Variants in DPP6 observed in about 807,000 individuals in gnomAD.
DPP6 encodes the protein A-type potassium channel modulatory protein DPP6.
In DPP6, 69 loss-of-function variants were observed where a neutral mutation model predicts 122.6. That is an observed-to-expected ratio of 0.56 (90% CI 0.46 to 0.69). The LOEUF (loss-of-function observed/expected upper bound fraction) is 0.69. DPP6 is among the 30% of genes least tolerant of loss of function. The pLI is 0.00. For synonymous variants in DPP6, 418 were observed against 433.1 expected, an observed-to-expected ratio of 0.97 and a Z score of 0.43; for missense variants, 928 against 1,116.9, an observed-to-expected ratio of 0.83 and a Z score of 2.41.
rs1011990615 is a variant in DPP6 at position 154,863,808 on chromosome 7, C to CA, written c.1715-4181dup. The stretch of plus-strand genomic sequence containing the variant: ...CCAACCTGGCTGCAAGACCCTGTCT[C>CA]AAAAAACAAAAATGGAGCTCAGAGA... On this transcript the variant is annotated intron_variant, in intron 17 of 25. Transcript: ENST00000377770. The surrounding 1 kb of genome is among the most constrained non-coding windows in gnomAD (Gnocchi z 4.1). 1.3e-5 allele frequency among the ~76,000 whole-genome samples: 2 copies of CA among 151,726 alleles called. No homozygotes were observed. The highest frequency in any genetic ancestry group is 4.2e-4 in the South Asian group (2 of 4,808).
chr7:154,356,397 G>T (rs541877376), intron 1 of DPP6, among the ~76,000 whole-genome samples: 2 of 152,098 alleles, frequency 1.3e-5, no homozygotes, highest in Non-Finnish European at 2.9e-5. Flanking sequence ...TGTCCTAGCT[G>T]GGTTACCTTA....
intron 4 of DPP6, among the ~76,000 whole-genome samples, chr7:154,560,697 A>G (rs1361564582): frequency 2.0e-5 from 3 of 152,146 alleles, no homozygotes; most frequent in Admixed American, 6.5e-5. Flanking sequence ...AACCTGGCCA[A>G]CATTGTGAAA....
intron 1 of DPP6, among the ~76,000 whole-genome samples, chr7:154,129,899 CAA>C (rs753343107): frequency 8.3e-5 from 9 of 108,290 alleles, no homozygotes; most frequent in Admixed American, 9.9e-5. Context: ...GACTCTGTCT[CAA>C]AAAAAAAAAA....
intron 1 of DPP6, among the ~76,000 whole-genome samples, chr7:154,155,234 G>A (rs1796620928): frequency 6.6e-6 from 1 of 152,208 alleles, no homozygotes; most frequent in Non-Finnish European, 1.5e-5. Context: ...CATGTCCTGG[G>A]CATTGGGTAA....
intron 7 of DPP6, among the ~76,000 whole-genome samples, chr7:154,687,094 A>AC (rs72575640): frequency 0.039 from 7 of 180 alleles, no homozygotes; most frequent in African/African-American, 0.17. Context: ...TTACATCAAC[A>AC]TAGTATAGAT....
At chr7:154,030,227 C>T (rs187576880) in intron 1 of DPP6, among the ~76,000 whole-genome samples, 2 of 152,296 alleles carry the variant, frequency 1.3e-5, no homozygotes, top group African/African-American at 2.4e-5. Flanking sequence ...ATTTTGGCCC[C>T]TGGCTATTTC....
In DPP6 at chr7:154,637,988, C is replaced by T. The variant is rs989919156; in HGVS notation, c.680+115C>T. The T allele has an allele frequency of 6.0e-6, 7 of 1,171,044 alleles. No individual in the cohort carries two copies. In the Admixed American group the frequency reaches 1.7e-4, roughly 29 times the overall value. The allele number at this position is 1,171,044 out of a possible 1,614,324, so 72.5% of individuals were successfully genotyped here. A position where few individuals can be genotyped will look rare whatever the true frequency, so the allele number is the denominator to read the frequency against. The stretch of plus-strand genomic sequence containing the variant: ...GGAAATGGCGTTCCAGTTCTCACAG[C>T]CAAGGGTGCTGGTATCGTGGCACCT... On this transcript the variant is annotated intron_variant, in intron 6 of 25. Coordinates refer to ENST00000377770, the MANE Select transcript of DPP6 (RefSeq NM_130797.4).
At chr7:154,706,155 C>T (rs562012682) in intron 7 of DPP6, among the ~76,000 whole-genome samples, 28 of 152,326 alleles carry the variant, frequency 1.8e-4, no homozygotes, top group South Asian at 4.1e-4. Context: ...AGTGTAACTT[C>T]TAGGATCCTG....
At chr7:153,889,417 A>G (rs1007488965) in intron 1 of DPP6, among the ~76,000 whole-genome samples, 3 of 152,178 alleles carry the variant, frequency 2.0e-5, no homozygotes, top group Non-Finnish European at 4.4e-5. Context: ...GTGCTAGGGA[A>G]ACCTGTATAT....
intron 25 of DPP6, 127 bp downstream of exon 25, chr7:154,889,657 G>C (rs1166763700): frequency 6.9e-7 from 1 of 1,445,664 alleles, no homozygotes; most frequent in Non-Finnish European, 9.2e-7. Flanking sequence ...TCGGTGATGA[G>C]CAAGGTCCCA....
intron 1 of DPP6, among the ~76,000 whole-genome samples, chr7:154,394,480 A>C (rs1227929743): frequency 1.1e-5 from 1 of 89,024 alleles, no homozygotes; most frequent in African/African-American, 4.3e-5. Flanking sequence ...TCTATTTGTT[A>C]ATTCCTTATT....
chr7:153,857,322 T>TTTTCTCTCTCTC, the DPP6 span, among the ~76,000 whole-genome samples: 4 of 124,392 alleles, frequency 3.2e-5, 1 homozygote, highest in Non-Finnish European at 3.3e-5. Context: ...CTCAAAGGTT[T>TTTTCTCTCTCTC]TCTCTCTCTC....
chr7:154,349,930 A>T (rs1182384222), intron 1 of DPP6, among the ~76,000 whole-genome samples: 1 of 152,236 alleles, frequency 6.6e-6, no homozygotes, highest in Non-Finnish European at 1.5e-5. Context: ...TAATCCTTTG[A>T]GTCAGGAAAC....
the DPP6 span, among the ~76,000 whole-genome samples, chr7:153,811,583 CT>C: frequency 1.8e-4 from 27 of 152,164 alleles, no homozygotes; most frequent in Non-Finnish European, 4.0e-4. Context: ...CTCTGGAAGG[CT>C]GCCTGTGAGG....
intron 8 of DPP6, among the ~76,000 whole-genome samples, chr7:154,742,718 C>T (rs772006526): frequency 5.3e-5 from 8 of 152,232 alleles, no homozygotes; most frequent in South Asian, 2.1e-4. Context: ...TTCTGGCCTC[C>T]GCTGGCATCT....
chr7:153,805,691 T>C, the DPP6 span, among the ~76,000 whole-genome samples: 5 of 152,202 alleles, frequency 3.3e-5, no homozygotes, highest in South Asian at 2.1e-4. Context: ...CATAAGTTCA[T>C]GTCCTTTGTA....
At chr7:154,583,733 A>T (rs1586680561) in intron 5 of DPP6, among the ~76,000 whole-genome samples, 1 of 151,994 alleles carries the variant, frequency 6.6e-6, no homozygotes, top group African/African-American at 2.4e-5. Context: ...CCTCAACAAC[A>T]AGGCTCCCGC....
the DPP6 span, among the ~76,000 whole-genome samples, chr7:153,807,829 G>A: frequency 6.6e-6 from 1 of 152,072 alleles, no homozygotes; most frequent in African/African-American, 2.4e-5. Flanking sequence ...CTTCCACGAC[G>A]AATCGATCTT....
intron 2 of DPP6, among the ~76,000 whole-genome samples, chr7:154,460,469 T>C (rs1254529433): frequency 5.3e-5 from 8 of 152,240 alleles, no homozygotes; most frequent in Admixed American, 2.6e-4. Context: ...AATTTTTTCA[T>C]GTATAAATTT....
Sources: allele counts gnomAD v4.1 joint callset (sites outside exome capture counted in the v4.1 genomes callset), GRCh38; gene constraint gnomAD v4.1.1; non-coding constraint Gnocchi (gnomAD v3.1); transcripts MANE v1.5; gene names NCBI Gene and HGNC (gene_info 2026-07-23, HGNC 2026-07-21).